GLRB: variants seen among roughly 807,000 people sequenced by gnomAD.
GLRB encodes the protein glycine receptor subunit beta.
Under a neutral mutation model 54.2 loss-of-function variants are expected in GLRB, and 33 were observed. The observed-to-expected ratio is 0.61, with a 90% CI of 0.46 to 0.81. The LOEUF (loss-of-function observed/expected upper bound fraction) is 0.81, where lower values mean the gene tolerates loss of function less well. Ranked by LOEUF, GLRB falls within the 40% of genes least tolerant of loss-of-function variation. The pLI, the probability that GLRB is intolerant of heterozygous loss-of-function variation, is 0.00. For missense variants in GLRB, 572 were observed against 584.6 expected (o/e 0.98, Z 0.22); for synonymous variants, 209 against 208.2 (o/e 1.00, Z -0.03).
chr4:157,118,846 G>A (rs1229909981), intron 2 of GLRB, among the ~76,000 whole-genome samples: 3 of 151,492 alleles, frequency 2.0e-5, no homozygotes, highest in African/African-American at 7.3e-5. Flanking sequence ...ATGAAACTGA[G>A]ACTTTTTACC....
intron 4 of GLRB, among the ~76,000 whole-genome samples, chr4:157,131,618 TC>T (rs1333389715): frequency 1.1e-4 from 17 of 151,942 alleles, no homozygotes; most frequent in Admixed American, 9.9e-4. Flanking sequence ...GAACCACTGA[TC>T]TTTTTACTGT....
At chr4:157,111,198 G>C (rs1484548460) in intron 2 of GLRB, among the ~76,000 whole-genome samples, 4 of 151,992 alleles carry the variant, frequency 2.6e-5, no homozygotes, top group Admixed American at 2.0e-4. Context: ...CAGACATGTG[G>C]TTCAAGTGTT....
At chr4:157,083,778 A>T (rs1734309487) in intron 2 of GLRB, among the ~76,000 whole-genome samples, 1 of 152,142 alleles carries the variant, frequency 6.6e-6, no homozygotes, top group African/African-American at 2.4e-5. Flanking sequence ...AATAATAAGG[A>T]TTTTAAAATC....
chr4:157,158,806 G>A (rs528868971), intron 9 of GLRB, among the ~76,000 whole-genome samples: 2 of 152,222 alleles, frequency 1.3e-5, no homozygotes. Context: ...GATTGTCTTG[G>A]CAATGCGGGC....
chr4:157,155,804 T>G (rs1339580944), intron 9 of GLRB, among the ~76,000 whole-genome samples: 2 of 152,222 alleles, frequency 1.3e-5, no homozygotes, highest in Non-Finnish European at 2.9e-5. Flanking sequence ...GGGATTTTTC[T>G]CAGCTTGTTG....
At chr4:157,155,803 C>A (rs1233786792) in intron 9 of GLRB, among the ~76,000 whole-genome samples, 1 of 152,076 alleles carries the variant, frequency 6.6e-6, no homozygotes, top group Non-Finnish European at 1.5e-5. Context: ...TGGGATTTTT[C>A]TCAGCTTGTT....
At chr4:157,131,679 T>C (rs1435940610) in intron 4 of GLRB, among the ~76,000 whole-genome samples, 2 of 151,772 alleles carry the variant, frequency 1.3e-5, no homozygotes, top group East Asian at 3.9e-4. Context: ...AATCGTACAT[T>C]ATGCAGCCTT....
At chr4:157,107,938 T>C (rs1727328077) in intron 2 of GLRB, among the ~76,000 whole-genome samples, 1 of 152,066 alleles carries the variant, frequency 6.6e-6, no homozygotes. Context: ...CCATTTACCA[T>C]TTCAAAAATC....
chr4:157,145,570 A>G (rs560626847), intron 8 of GLRB, among the ~76,000 whole-genome samples: 1 of 152,304 alleles, frequency 6.6e-6, no homozygotes, highest in South Asian at 2.1e-4. Context: ...GGTACTATTA[A>G]AAAAGATGGG....
chr4:157,151,584 T>C (rs565128621), intron 8 of GLRB, among the ~76,000 whole-genome samples: 1 of 152,126 alleles, frequency 6.6e-6, no homozygotes, highest in Admixed American at 6.6e-5. Context: ...ACGTGTTTCC[T>C]TCTAATAGAG....
chr4:157,121,038 T>C lies in GLRB; in HGVS notation c.229+376T>C, dbSNP rs536800755. Among the ~76,000 whole-genome samples the C allele has an allele frequency of 2.0e-5, 3 of 151,814 alleles. No individual in the cohort carries two copies. The South Asian group carries it at 6.2e-4, about 31-fold the overall frequency. The stretch of plus-strand genomic sequence containing the variant: ...GACACCAGAGTTATAATTTGCAGAA[T>C]GATGATTTTCTCATTTAGGGAAAGA... On this transcript the variant is annotated intron_variant, in intron 3 of 9. Coordinates refer to ENST00000264428, the MANE Select transcript of GLRB (RefSeq NM_000824.5).
chr4:157,112,124 G>C (rs1560948700), intron 2 of GLRB, among the ~76,000 whole-genome samples: 1 of 150,272 alleles, frequency 6.7e-6, no homozygotes, highest in Non-Finnish European at 1.5e-5. Flanking sequence ...TGATTCTTCT[G>C]ATAATTAAAA....
At chr4:157,100,794 G>A (rs1734991010) in intron 2 of GLRB, among the ~76,000 whole-genome samples, 1 of 152,106 alleles carries the variant, frequency 6.6e-6, no homozygotes, top group African/African-American at 2.4e-5. Flanking sequence ...CTGGGATTTT[G>A]GTTATATGAA....
At chr4:157,154,953 TG>T (rs1737170176) in intron 9 of GLRB, among the ~76,000 whole-genome samples, 1 of 152,202 alleles carries the variant, frequency 6.6e-6, no homozygotes, top group Non-Finnish European at 1.5e-5. Context: ...TGTTTATAAT[TG>T]TCTTAAATAC....
At chr4:157,138,278 A>G (rs1200756353) in intron 6 of GLRB, among the ~76,000 whole-genome samples, 2 of 151,952 alleles carry the variant, frequency 1.3e-5, no homozygotes, top group Non-Finnish European at 2.9e-5. Flanking sequence ...GTTTCACTAT[A>G]TTGGCCAGGC....
chr4:157,137,031 A>T, intron 6 of GLRB, 145 bp downstream of exon 6: 1 of 638,696 alleles, frequency 1.6e-6, no homozygotes, highest in Non-Finnish European at 2.8e-6. Context: ...TAGGGAAATT[A>T]TAGTTACTCT....
At chr4:157,152,668 C>T (rs1334140843) in intron 8 of GLRB, 50 bp from the exon 9 acceptor site, 1 of 1,407,762 alleles carries the variant, frequency 7.1e-7, no homozygotes, top group Non-Finnish European at 1.0e-6. Flanking sequence ...GACCCCAGAA[C>T]ATCTCATAGG....
chr4:157,166,778 G>T (rs1237206068), intron 9 of GLRB, among the ~76,000 whole-genome samples: 1 of 151,850 alleles, frequency 6.6e-6, no homozygotes, highest in Admixed American at 6.6e-5. Flanking sequence ...CTTCAACACT[G>T]AAAAAATTAT....
At position 157,099,865 on chromosome 4, in the gene GLRB, TATA is replaced by T. The variant is rs546254831; in HGVS notation, c.123-20688_123-20686del. Among the ~76,000 whole-genome samples the T allele has an allele frequency of 4.0e-4, 61 of 152,294 alleles. 2 individuals are homozygous for T. In the East Asian group the frequency reaches 0.011, roughly 28 times the overall value. On this transcript the variant is annotated intron_variant, in intron 2 of 9. Transcript: ENST00000264428. ...TTTAATTTTAACCATCTTCTGTGAG[TATA>T]ATGTTATCTCAGTGTAGTTTTAATT...
Sources: allele counts gnomAD v4.1 joint callset (sites outside exome capture counted in the v4.1 genomes callset), GRCh38; gene constraint gnomAD v4.1.1; transcripts MANE v1.5; gene names NCBI Gene and HGNC (gene_info 2026-07-23, HGNC 2026-07-21).